The following SHISA9 variants were observed in gnomAD, a reference collection of about 807,000 sequenced individuals.
The protein encoded by SHISA9 is shisa family member 9.
Under a neutral mutation model 38.0 loss-of-function variants are expected in SHISA9, and 13 were observed. That is an observed-to-expected ratio of 0.34 (90% CI 0.22 to 0.54). SHISA9 has a LOEUF of 0.54. Among genes scored for constraint, SHISA9 ranks in the 20% least tolerant of loss-of-function variants. SHISA9 has a pLI of 0.91. For synonymous variants in SHISA9, 275 were observed against 242.0 expected (o/e 1.14, Z -1.27); for missense variants, 538 against 575.8 (o/e 0.93, Z 0.67).
chr16:12,938,787 G>A (rs1206401388), intron 2 of SHISA9, among the ~76,000 whole-genome samples: 1 of 152,084 alleles, frequency 6.6e-6, no homozygotes, highest in African/African-American at 2.4e-5. Context: ...ACAGGCGTGA[G>A]CCATTCTGCC....
chr16:13,281,469 A>C, the SHISA9 span, among the ~76,000 whole-genome samples: 1 of 151,368 alleles, frequency 6.6e-6, no homozygotes, highest in Non-Finnish European at 1.5e-5. Context: ...GGTGTGGTCC[A>C]TTTACATTTA....
At chr16:13,181,938 C>A (rs371752096) in intron 2 of SHISA9, among the ~76,000 whole-genome samples, 7 of 152,192 alleles carry the variant, frequency 4.6e-5, no homozygotes, top group African/African-American at 1.4e-4. Flanking sequence ...GGAAATTCAA[C>A]AAAGGTTTTG....
chr16:13,318,748 T>C, the SHISA9 span, among the ~76,000 whole-genome samples: 1 of 152,314 alleles, frequency 6.6e-6, no homozygotes, highest in East Asian at 1.9e-4. Flanking sequence ...ATTCTCAGGA[T>C]CTAGAAGAGT....
chr16:13,437,342 T>C, the SHISA9 span, among the ~76,000 whole-genome samples: 1 of 152,234 alleles, frequency 6.6e-6, no homozygotes, highest in Non-Finnish European at 1.5e-5. Flanking sequence ...TCTGTGATGA[T>C]GATGGTTACT....
At chr16:12,911,558 A>C (rs2141714948) in intron 1 of SHISA9, 1 of 184,550 alleles carries the variant, frequency 5.4e-6, no homozygotes, top group African/African-American at 2.4e-5. Context: ...AATTGTGATG[A>C]CTTCATACTA....
the SHISA9 span, among the ~76,000 whole-genome samples, chr16:13,538,828 G>C: frequency 1.3e-5 from 2 of 152,114 alleles, no homozygotes; most frequent in Non-Finnish European, 2.9e-5. Flanking sequence ...TGCATCTTCA[G>C]TTCCAAGAAT....
chr16:12,945,726 A>G (rs1394862084), intron 2 of SHISA9, among the ~76,000 whole-genome samples: 4 of 152,236 alleles, frequency 2.6e-5, no homozygotes, highest in South Asian at 4.1e-4. Flanking sequence ...GACTTAAATG[A>G]GATGATATAT....
chr16:13,217,828 G>A (rs759956402), intron 4 of SHISA9, among the ~76,000 whole-genome samples: 7 of 152,134 alleles, frequency 4.6e-5, no homozygotes, highest in East Asian at 1.9e-4. Flanking sequence ...TAAGGAGTTC[G>A]AGACCATCCT....
At chr16:13,207,894 C>T (rs1425941933) in intron 3 of SHISA9, among the ~76,000 whole-genome samples, 1 of 152,208 alleles carries the variant, frequency 6.6e-6, no homozygotes, top group Admixed American at 6.5e-5. Context: ...ATTGAAAGTT[C>T]TGCAACCTCC....
the SHISA9 span, among the ~76,000 whole-genome samples, chr16:13,436,019 C>T: frequency 1.2e-3 from 178 of 152,186 alleles, 1 homozygote; most frequent in African/African-American, 4.1e-3. Flanking sequence ...CCTTGTAGGC[C>T]CAGTTGAAGG....
intron 2 of SHISA9, among the ~76,000 whole-genome samples, chr16:13,198,882 G>A (rs1412116422): frequency 6.6e-6 from 1 of 152,200 alleles, no homozygotes; most frequent in Non-Finnish European, 1.5e-5. Context: ...CACTTCTTTT[G>A]AGAGGGATCG....
At chr16:13,068,767 T>G (rs1222437396) in intron 2 of SHISA9, among the ~76,000 whole-genome samples, 1 of 152,224 alleles carries the variant, frequency 6.6e-6, no homozygotes, top group Non-Finnish European at 1.5e-5. Context: ...CATGTGTGTA[T>G]GTGTGCACAC....
intron 2 of SHISA9, among the ~76,000 whole-genome samples, chr16:13,120,400 C>T (rs994693106): frequency 1.3e-5 from 2 of 152,164 alleles, no homozygotes; most frequent in African/African-American, 2.4e-5. Flanking sequence ...AAGGATGAAG[C>T]TGGTGACCCC....
intron 2 of SHISA9, among the ~76,000 whole-genome samples, chr16:13,027,933 C>CAA (rs1240201539): frequency 0.026 from 2,711 of 103,318 alleles, 192 homozygotes; most frequent in African/African-American, 0.1. Context: ...GTCTCAAAAA[C>CAA]AAAAAAAAAA....
At chr16:13,512,790 A>G in the SHISA9 span, among the ~76,000 whole-genome samples, 14 of 152,350 alleles carry the variant, frequency 9.2e-5, no homozygotes, top group East Asian at 5.8e-4. Context: ...TGGTGTTGGG[A>G]AAACTGGCTA....
intron 2 of SHISA9, among the ~76,000 whole-genome samples, chr16:13,031,635 T>C (rs913668459): frequency 6.6e-6 from 1 of 152,182 alleles, no homozygotes; most frequent in Non-Finnish European, 1.5e-5. Context: ...GATGTGGGTT[T>C]GAATTTTAGG....
intron 2 of SHISA9, among the ~76,000 whole-genome samples, chr16:12,995,746 A>G (rs941135408): frequency 6.6e-6 from 1 of 152,208 alleles, no homozygotes; most frequent in African/African-American, 2.4e-5. Context: ...ATTTATTTAT[A>G]AAGAAAATTC....
intron 2 of SHISA9, among the ~76,000 whole-genome samples, chr16:13,060,324 T>A (rs2073359387): frequency 6.6e-6 from 1 of 152,190 alleles, no homozygotes; most frequent in African/African-American, 2.4e-5. Flanking sequence ...AATGCATGCC[T>A]GCCTTTGGAA....
At chr16:13,037,088 C>CCACA (rs71147781) in intron 2 of SHISA9, among the ~76,000 whole-genome samples, 40 of 129,642 alleles carry the variant, frequency 3.1e-4, no homozygotes, top group Non-Finnish European at 5.0e-4. Flanking sequence ...ACACACCACA[C>CCACA]CACACACACA....
Sources: allele counts gnomAD v4.1 joint callset (sites outside exome capture counted in the v4.1 genomes callset), GRCh38; gene constraint gnomAD v4.1.1; transcripts MANE v1.5; gene names NCBI Gene and HGNC (gene_info 2026-07-23, HGNC 2026-07-21).